Variants in GRIA4 observed in about 807,000 individuals in gnomAD.
GRIA4 encodes the protein glutamate ionotropic receptor AMPA type subunit 4.
In GRIA4, 34 loss-of-function variants were observed where a neutral mutation model predicts 104.0. The ratio of observed to expected loss-of-function variants is 0.33; its 90% confidence interval spans 0.25 to 0.44. The LOEUF (loss-of-function observed/expected upper bound fraction) is 0.44. Ranked by LOEUF, GRIA4 falls within the 20% of genes least tolerant of loss-of-function variation. The pLI, the probability that GRIA4 is intolerant of heterozygous loss-of-function variation, is 1.00. For synonymous variants in GRIA4, 386 were observed against 381.9 expected (o/e 1.01, Z -0.13); for missense variants, 750 against 1,096.5 (o/e 0.68, Z 4.46).
At chr11:105,813,020 G>T (rs1943238582) in intron 4 of GRIA4, among the ~76,000 whole-genome samples, 1 of 150,712 alleles carries the variant, frequency 6.6e-6, no homozygotes, top group South Asian at 2.1e-4. Flanking sequence ...CGTGAACCTG[G>T]GAGGCGGAGC....
intron 3 of GRIA4, among the ~76,000 whole-genome samples, chr11:105,666,955 G>T (rs1213422808): frequency 6.6e-6 from 1 of 151,814 alleles, no homozygotes; most frequent in Admixed American, 6.6e-5. Context: ...ATACTCTCAA[G>T]ATCACTCAGT....
intron 3 of GRIA4, among the ~76,000 whole-genome samples, chr11:105,729,396 C>T (rs922861383): frequency 2.6e-5 from 4 of 152,132 alleles, no homozygotes; most frequent in Non-Finnish European, 4.4e-5. Context: ...CAGGACCAGA[C>T]AGATTCAGAC....
Position 105,974,301 on chromosome 11 carries a change from C to G in GRIA4, c.2410-9C>G, listed in dbSNP as rs1204615961. Reference sequence around the variant, plus strand: ...CCACAGTTAACTGAAGTGTCTTTATCCCCCCTAGGACAAGACGAGTGCCTT... The same window carrying G: ...CCACAGTTAACTGAAGTGTCTTTATGCCCCCTAGGACAAGACGAGTGCCTT... On this transcript the variant is annotated splice_polypyrimidine_tract_variant and intron_variant, in intron 15 of 16. Transcript: ENST00000282499. 2 of 1,611,852 alleles carry G rather than the reference C, an allele frequency of 1.2e-6. No homozygotes were observed. The highest frequency in any genetic ancestry group is 1.7e-6 in the Non-Finnish European group (2 of 1,178,588).
chr11:105,890,800 C>G (rs1287713426), intron 6 of GRIA4, among the ~76,000 whole-genome samples: 1 of 152,184 alleles, frequency 6.6e-6, no homozygotes, highest in Non-Finnish European at 1.5e-5. Flanking sequence ...TGAAATTTCT[C>G]TGATTATCTC....
intron 4 of GRIA4, among the ~76,000 whole-genome samples, chr11:105,808,441 T>G (rs1943040027): frequency 6.6e-6 from 1 of 152,092 alleles, no homozygotes. Context: ...GAAGTTATGG[T>G]ACTAAGACTT....
At chr11:105,684,755 C>T (rs1386059754) in intron 3 of GRIA4, among the ~76,000 whole-genome samples, 1 of 151,228 alleles carries the variant, frequency 6.6e-6, no homozygotes, top group Non-Finnish European at 1.5e-5. Context: ...ATAAAATTAA[C>T]TCTTTTAGAA....
At position 105,612,281 on chromosome 11, in the gene GRIA4, C is replaced by G. The variant is rs761365633; in HGVS notation, c.94C>G (p.Leu32Val). 4 of 1,613,992 alleles carry G rather than the reference C, an allele frequency of 2.5e-6. No homozygotes were observed. The highest frequency in any genetic ancestry group is 3.4e-6 in the Non-Finnish European group (4 of 1,179,894). The change falls in exon 3 of 17, where the codon CTC becomes GTC. Residue 32 changes from leucine to valine, a missense_variant. Leu to Val is a conservative substitution (Grantham distance 32). Transcript: ENST00000282499. ...AFPSSVQIGG[L>V]FIRNTDQEYT... ...TTTCCTGCTGTTTTTAATAGGTGGT[C>G]TCTTCATCCGAAACACAGATCAGGA...
In GRIA4 at chr11:105,926,745, C is replaced by G; in HGVS notation, c.1852C>G (p.Leu618Val). 6.3e-7 allele frequency: 1 copy of G among 1,592,928 alleles called. No homozygotes were observed. The highest frequency in any genetic ancestry group is 1.1e-5 in the South Asian group (1 of 90,604). The stretch of plus-strand genomic sequence containing the variant: ...CATTATTTTATCCATGTTTAGATCC[C>G]TCTCAGGTCGAATTGTTGGAGGTGT... Reference protein sequence around the residue: ...QQGCDISPRSLSGRIVGGVWW... With the variant: ...QQGCDISPRSVSGRIVGGVWW... The change falls in exon 13 of 17, where the codon CTC becomes GTC. Residue 618 changes from leucine (L) to valine (V), a missense_variant. By Grantham distance (32) the Leu-to-Val change is conservative. This residue lies in a region of GRIA4 where 272 missense variants were observed against 524.5 expected (regional missense o/e 0.52). Transcript: ENST00000282499.
chr11:105,972,860 TC>T (rs1858770219), intron 15 of GRIA4, among the ~76,000 whole-genome samples: 1 of 152,198 alleles, frequency 6.6e-6, no homozygotes, highest in Non-Finnish European at 1.5e-5. Context: ...CCCTTTTATT[TC>T]TTTCTGTATC....
chr11:105,794,762 A>G (rs1942411429), intron 4 of GRIA4, among the ~76,000 whole-genome samples: 1 of 151,164 alleles, frequency 6.6e-6, no homozygotes, highest in South Asian at 2.1e-4. Context: ...AGAATTGTAA[A>G]CTTCTAGATA....
intron 3 of GRIA4, among the ~76,000 whole-genome samples, chr11:105,746,344 T>C (rs568264951): frequency 1.9e-4 from 29 of 151,258 alleles, no homozygotes; most frequent in African/African-American, 7.1e-4. Flanking sequence ...CTCAAGAAAA[T>C]CATGCTATTG....
At chr11:105,685,154 G>A (rs950603685) in intron 3 of GRIA4, among the ~76,000 whole-genome samples, 12 of 143,968 alleles carry the variant, frequency 8.3e-5, no homozygotes, top group Non-Finnish European at 1.7e-4. Context: ...AGGGAAGGAG[G>A]GAGGAAGGAA....
rs1003839199 is a variant in GRIA4 at position 105,928,224 on chromosome 11, C to T, written c.2046+1285C>T. ...ATATCAAGAGCAAATCACTCAAAAA[C>T]TCAAATTCATCCCTGGGCATTGTTT... On this transcript the variant is annotated intron_variant, in intron 13 of 16. Coordinates refer to ENST00000282499, the MANE Select transcript of GRIA4 (RefSeq NM_000829.4). Among the ~76,000 whole-genome samples, 4 of 151,890 alleles carry T rather than the reference C, an allele frequency of 2.6e-5. 1 individual carries two copies. In the South Asian group the frequency reaches 8.3e-4, roughly 31 times the overall value.
At chr11:105,813,093 CA>C (rs58984237) in intron 4 of GRIA4, among the ~76,000 whole-genome samples, 195 of 80,432 alleles carry the variant, frequency 2.4e-3, no homozygotes, top group African/African-American at 7.5e-3. Flanking sequence ...GACTCCATCT[CA>C]AAAAAAAAAA....
rs146516356 is a variant in GRIA4, at chr11:105,797,378, G to A, written c.487+44158G>A. Among the ~76,000 whole-genome samples the A allele has an allele frequency of 1.6e-4, 24 of 152,266 alleles. 1 individual carries two copies. The highest frequency in any genetic ancestry group is 5.3e-4 in the African/African-American group (22 of 41,562). On this transcript the variant is annotated intron_variant, in intron 4 of 16. Transcript: ENST00000282499. ...CTTTTAGAAGAGAATTGTGGTGTATGTGTAACTTCTATAAAATCAAAGTAT... is the reference window on the plus strand; with the variant it reads ...CTTTTAGAAGAGAATTGTGGTGTATATGTAACTTCTATAAAATCAAAGTAT...
chr11:105,689,116 C>T (rs887247383), intron 3 of GRIA4, among the ~76,000 whole-genome samples: 1 of 151,944 alleles, frequency 6.6e-6, no homozygotes, highest in African/African-American at 2.4e-5. Flanking sequence ...TGATATTAAG[C>T]CAATAAATAT....
At chr11:105,798,233 G>A (rs575752819) in intron 4 of GRIA4, among the ~76,000 whole-genome samples, 2 of 152,162 alleles carry the variant, frequency 1.3e-5, no homozygotes, top group South Asian at 4.1e-4. Flanking sequence ...CAGGGAACAA[G>A]GATATGAAGT....
chr11:105,936,049 C>T (rs1457957955), intron 14 of GRIA4, among the ~76,000 whole-genome samples: 2 of 152,158 alleles, frequency 1.3e-5, no homozygotes, highest in Non-Finnish European at 2.9e-5. Context: ...GCCAAAACCG[C>T]AGTCATTTTG....
At chr11:105,612,021 A>G (rs1950494640) in intron 2 of GRIA4, among the ~76,000 whole-genome samples, 1 of 152,102 alleles carries the variant, frequency 6.6e-6, no homozygotes, top group Non-Finnish European at 1.5e-5. Context: ...GGCAAGGGAG[A>G]GAAAGGAACA....
Sources: allele counts gnomAD v4.1 joint callset (sites outside exome capture counted in the v4.1 genomes callset), GRCh38; gene constraint gnomAD v4.1.1; regional missense constraint gnomAD v4.1.1; transcripts MANE v1.5; gene names NCBI Gene and HGNC (gene_info 2026-07-23, HGNC 2026-07-21).